Variants in NAGA observed in about 807,000 individuals in gnomAD.
The protein encoded by NAGA is alpha-N-acetylgalactosaminidase.
A neutral mutation model predicts 45.6 loss-of-function variants in NAGA; 42 were observed. That is an observed-to-expected ratio of 0.92 (90% CI 0.72 to 1.19). The LOEUF (loss-of-function observed/expected upper bound fraction) is 1.19, where lower values mean the gene tolerates loss of function less well. NAGA is among the 50% of genes most tolerant of loss of function. The probability of loss-of-function intolerance (pLI) is 0.00; values close to 1 mark genes in which losing one functional copy is unlikely to be tolerated. For synonymous variants in NAGA, 176 were observed against 203.1 expected, an observed-to-expected ratio of 0.87 and a Z score of 1.13; for missense variants, 493 against 544.8, an observed-to-expected ratio of 0.90 and a Z score of 0.95.
intron 2 of NAGA, among the ~76,000 whole-genome samples, 177 bp from the exon 3 acceptor site, chr22:42,068,113 T>G (rs1602497852): frequency 1.3e-5 from 2 of 152,026 alleles, no homozygotes; most frequent in African/African-American, 4.8e-5. Context: ...CAAGCTGGCT[T>G]GAAAGGAGTG....
In NAGA at chr22:42,070,527, A is replaced by G; in HGVS notation, c.-230T>C. The G allele has an allele frequency of 1.6e-6, 1 of 640,806 alleles. No homozygotes were observed. Among genetic ancestry groups the G allele is most frequent in the Non-Finnish European group, 2.8e-6 (1 of 350,988 alleles). The allele number at this position is 640,806 out of a possible 1,614,324, so 39.7% of individuals were successfully genotyped here. A position where few individuals can be genotyped will look rare whatever the true frequency, so the allele number is the denominator to read the frequency against. ...CTTCAGTTCTTCCTTCAGAAATACG[A>G]AACAACGTGTCTTGGATGTCAGACC... is the stretch of plus-strand genomic sequence containing the variant. On this transcript the variant is annotated 5_prime_UTR_variant, in exon 1 of 9. Transcript: ENST00000396398.
Position 42,065,831 on chromosome 22 carries a change from C to A in NAGA, c.666G>T (p.Trp222Cys), listed in dbSNP as rs1381519494. Residue 222 changes from tryptophan (W) to cysteine (C), a missense_variant, in exon 6 of 9, where the codon TGG becomes TGT. By Grantham distance (215) the Trp-to-Cys change is radical. Coordinates refer to ENST00000396398, the MANE Select transcript of NAGA (RefSeq NM_000262.3). ...AATTCAGGATGGAGAGCACGCTCCA[C>A]CAGGAGTCCTGGATGTCATCATAGT... ...WRNYDDIQDSWWSVLSILNWF... is the reference protein window; with the variant it reads ...WRNYDDIQDSCWSVLSILNWF... The A allele has an allele frequency of 6.2e-7, 1 of 1,614,174 alleles. No homozygotes were observed. Among genetic ancestry groups the A allele is most frequent in the African/African-American group, 1.3e-5 (1 of 75,036 alleles).
intron 6 of NAGA, 26 bp downstream of exon 6, chr22:42,065,712 A>G: frequency 1.9e-6 from 3 of 1,613,000 alleles, no homozygotes; most frequent in Admixed American, 1.7e-5. Context: ...TGGTGGGCCT[A>G]GGGACATCCC....
chr22:42,063,535 T>C (rs1221208571), intron 6 of NAGA, among the ~76,000 whole-genome samples: 1 of 152,262 alleles, frequency 6.6e-6, no homozygotes, highest in Non-Finnish European at 1.5e-5. Flanking sequence ...ACTACTTGTG[T>C]TATCTGCAAA....
intron 6 of NAGA, among the ~76,000 whole-genome samples, chr22:42,065,394 G>A (rs968389699): frequency 1.3e-5 from 2 of 152,192 alleles, no homozygotes; most frequent in Non-Finnish European, 2.9e-5. Flanking sequence ...GAGCAGTCCA[G>A]GCACTAGGAA....
chr22:42,063,050 A>C, intron 6 of NAGA, 26 bp from the exon 7 acceptor site: 1 of 1,607,862 alleles, frequency 6.2e-7, no homozygotes, highest in Non-Finnish European at 8.5e-7. Context: ...AGGAGTAGTC[A>C]GCTCTCATCT....
intron 2 of NAGA, 104 bp downstream of exon 2, chr22:42,068,332 TGGA>T: frequency 6.4e-7 from 1 of 1,557,550 alleles, no homozygotes; most frequent in Non-Finnish European, 8.8e-7. Context: ...GTCTCTGGGA[TGGA>T]GAACTCTGAC....
Position 42,060,377 on chromosome 22 carries a change from G to A in NAGA, c.1138C>T (p.Leu380Phe), listed in dbSNP as rs1926293808. Residue 380 changes from leucine to phenylalanine, a missense_variant, in exon 9 of 9, where the codon CTC becomes TTC. Coordinates refer to ENST00000396398, the MANE Select transcript of NAGA (RefSeq NM_000262.3). ...ACTGTGAAGTTGGTTTCATCTCGGA[G>A]GCCACTGATGATGTCACCTGAGTAG... ...DVYSGDIISG[L>F]RDETNFTVII... 6.2e-7 allele frequency: 1 copy of A among 1,613,654 alleles called. No homozygotes were observed. Among genetic ancestry groups the A allele is most frequent in the Non-Finnish European group, 8.5e-7 (1 of 1,180,002 alleles).
At position 42,060,358 on chromosome 22, in the gene NAGA, A is replaced by G; in HGVS notation, c.1157T>C (p.Phe386Ser). The change falls in exon 9 of 9, where the codon TTC becomes TCC. Residue 386 changes from phenylalanine (F) to serine (S), a missense_variant. Transcript: ENST00000396398. The stretch of plus-strand genomic sequence containing the variant: ...CCCTGAAGGGTTGATGATCACTGTG[A>G]AGTTGGTTTCATCTCGGAGGCCACT... Reference protein sequence around the residue: ...IISGLRDETNFTVIINPSGVV... With the variant: ...IISGLRDETNSTVIINPSGVV... 1 of 1,613,522 alleles carries G rather than the reference A, an allele frequency of 6.2e-7. No homozygotes were observed.
chr22:42,070,329 A>G lies in NAGA; in HGVS notation c.-32T>C, dbSNP rs1305051385. The G allele has an allele frequency of 1.2e-6, 2 of 1,613,274 alleles. No individual in the cohort carries two copies. Among genetic ancestry groups the G allele is most frequent in the Non-Finnish European group, 1.7e-6 (2 of 1,179,304 alleles). The stretch of plus-strand genomic sequence containing the variant: ...GGACTCAGCTTCCGAGGACCTGACC[A>G]GATCTGGTCTGCGTGTATCAGCTGT... On this transcript the variant is annotated 5_prime_UTR_variant, in exon 1 of 9. Transcript: ENST00000396398.
In NAGA at chr22:42,067,313, T is replaced by C. The variant is rs568209141; in HGVS notation, c.325-23A>G. ...AACCTGTGGGGGTTTGAGGACACAGTGGGCTCAAGCAGGACCCTCAAGGAG... is the reference window on the plus strand; with the variant it reads ...AACCTGTGGGGGTTTGAGGACACAGCGGGCTCAAGCAGGACCCTCAAGGAG... On this transcript the variant is annotated intron_variant, in intron 3 of 8. Transcript: ENST00000396398. 1,182 of 1,613,466 alleles carry C rather than the reference T, an allele frequency of 7.3e-4. 2 individuals carry two copies. The highest frequency in any genetic ancestry group is 9.8e-4 in the Non-Finnish European group (1,153 of 1,179,944).
At chr22:42,060,843 A>G (rs1926332247) in intron 8 of NAGA, 81 bp downstream of exon 8, 8 of 1,590,612 alleles carry the variant, frequency 5.0e-6, no homozygotes, top group Non-Finnish European at 6.9e-6. Flanking sequence ...GGGAGGCCAT[A>G]TGTGAACAAC....
At chr22:42,066,292 A>G (rs1176951812) in intron 5 of NAGA, among the ~76,000 whole-genome samples, 1 of 151,586 alleles carries the variant, frequency 6.6e-6, no homozygotes, top group African/African-American at 2.4e-5. Flanking sequence ...GGTGTCAAAC[A>G]TGCTAAGGGA....
At chr22:42,063,287 G>A (rs529627077) in intron 6 of NAGA, among the ~76,000 whole-genome samples, 3 of 152,210 alleles carry the variant, frequency 2.0e-5, no homozygotes, top group Admixed American at 1.3e-4. Flanking sequence ...GGCCAGGTGC[G>A]GCGGCTCATG....
Position 42,062,978 on chromosome 22 carries a change from T to C in NAGA, c.806A>G (p.Gln269Arg). The change falls in exon 7 of 9, where the codon CAG (glutamine) becomes CGG (arginine). Residue 269 changes from glutamine (Q) to arginine (R), a missense_variant. Coordinates refer to ENST00000396398, the MANE Select transcript of NAGA (RefSeq NM_000262.3). ...TGCCAGCACCGTCCACAGGGCCATC[T>C]GGGCCCGGGATTGCTCTAAGCTGAG... ...FGLSLEQSRA[Q>R]MALWTVLAAP... The C allele has an allele frequency of 6.2e-7, 1 of 1,614,206 alleles. No homozygotes were observed. Among genetic ancestry groups the C allele is most frequent in the Non-Finnish European group, 8.5e-7 (1 of 1,180,032 alleles).
Position 42,060,354 on chromosome 22 carries a change from TGTGAAGTTG to T in NAGA, c.1152_1160del (p.Asn385_Thr387del). The T allele has an allele frequency of 6.2e-7, 1 of 1,613,660 alleles. No individual in the cohort carries two copies. The highest frequency in any genetic ancestry group is 8.5e-7 in the Non-Finnish European group (1 of 1,179,974). On this transcript the variant is annotated inframe_deletion, in exon 9 of 9. Transcript: ENST00000396398. ...CTACCCCTGAAGGGTTGATGATCAC[TGTGAAGTTG>T]GTTTCATCTCGGAGGCCACTGATGA...
Position 42,067,168 on chromosome 22 carries a change from C to G in NAGA, c.447G>C (p.Lys149Asn), listed in dbSNP as rs560696456. 2 of 1,614,186 alleles carry G rather than the reference C, an allele frequency of 1.2e-6. No individual in the cohort carries two copies. The highest frequency in any genetic ancestry group is 2.2e-5 in the South Asian group (2 of 91,088). Residue 149 changes from lysine (K) to asparagine (N), a missense_variant, in exon 4 of 9, where the codon AAG becomes AAC. By Grantham distance (94) the Lys-to-Asn change is moderately conservative. Coordinates refer to ENST00000396398, the MANE Select transcript of NAGA (RefSeq NM_000262.3). ...AGCCATCCAGCTTGAGCATGTCTAC[C>G]TTCCACTCGGCGAAGGTCTGAGCAT... ...VQDAQTFAEW[K>N]VDMLKLDGCF... is the part of the protein sequence containing the mutation.
At chr22:42,063,353 C>A (rs1010258770) in intron 6 of NAGA, among the ~76,000 whole-genome samples, 3 of 152,080 alleles carry the variant, frequency 2.0e-5, no homozygotes, top group Non-Finnish European at 4.4e-5. Flanking sequence ...CACTACTACT[C>A]CTGCTGCCCT....
At position 42,060,235 on chromosome 22, in the gene NAGA, T is replaced by C. The variant is rs1926280092; in HGVS notation, c.*44A>G. ...CTGGGCATGCCAAGGCTCCATGGTC[T>C]AGGCTCAGTGGTGCCACCACAGCCT... On this transcript the variant is annotated 3_prime_UTR_variant, in exon 9 of 9. Coordinates refer to ENST00000396398, the MANE Select transcript of NAGA (RefSeq NM_000262.3). The C allele has an allele frequency of 1.2e-6, 2 of 1,610,576 alleles. No homozygotes were observed. Among genetic ancestry groups the C allele is most frequent in the East Asian group, 2.2e-5 (1 of 44,882 alleles).
Sources: gnomAD v4.1 joint callset for allele counts (sites outside exome capture counted in the v4.1 genomes callset) on GRCh38, gnomAD v4.1.1 for gene constraint, MANE v1.5 for transcripts, NCBI Gene and HGNC (gene_info 2026-07-23, HGNC 2026-07-21) for gene names.